The following AGT variants were observed in gnomAD, a reference collection of about 807,000 sequenced individuals.
AGT encodes angiotensinogen.
Under a neutral mutation model 28.1 loss-of-function variants are expected in AGT, and 26 were observed. The observed-to-expected ratio is 0.92, with a 90% CI of 0.68 to 1.28. AGT has a LOEUF of 1.28. Among genes scored for constraint, AGT ranks in the 50% most tolerant of loss-of-function variants. The pLI is 0.00. For synonymous variants in AGT, 259 were observed against 259.6 expected (o/e 1.00, Z 0.02); for missense variants, 596 against 592.3 (o/e 1.01, Z -0.06).
At chr1:230,720,698 A>G (rs1011923680) in intron 1 of AGT, among the ~76,000 whole-genome samples, 1 of 152,162 alleles carries the variant, frequency 6.6e-6, no homozygotes, top group African/African-American at 2.4e-5. Flanking sequence ...CTACACTGTC[A>G]TGCCCACCTT....
At chr1:230,706,616 G>T (rs186962286) in intron 2 of AGT, among the ~76,000 whole-genome samples, 7 of 152,108 alleles carry the variant, frequency 4.6e-5, no homozygotes, top group East Asian at 3.8e-4. Context: ...AGTGACTTTA[G>T]GTTCACAGCA....
intron 1 of AGT, among the ~76,000 whole-genome samples, chr1:230,737,658 C>T (rs906035844): frequency 6.6e-6 from 1 of 152,130 alleles, no homozygotes; most frequent in Non-Finnish European, 1.5e-5. Flanking sequence ...CCTTTTAGTA[C>T]TACAACTTTA....
intron 1 of AGT, among the ~76,000 whole-genome samples, chr1:230,711,883 C>A (rs149923554): frequency 1.3e-3 from 200 of 152,094 alleles, no homozygotes; most frequent in African/African-American, 4.5e-3. Context: ...TTTAGAACCC[C>A]TGCCCTAGAC....
chr1:230,726,915 TAAG>T (rs1663953988), intron 1 of AGT, among the ~76,000 whole-genome samples: 1 of 152,194 alleles, frequency 6.6e-6, no homozygotes, highest in African/African-American at 2.4e-5. Context: ...CAATGCTTCC[TAAG>T]AAGACGTCTG....
At chr1:230,730,153 T>G (rs1054743212) in intron 1 of AGT, among the ~76,000 whole-genome samples, 2 of 151,922 alleles carry the variant, frequency 1.3e-5, no homozygotes, top group African/African-American at 4.8e-5. Flanking sequence ...ACTCCTGACC[T>G]CAGGTGATCC....
rs1179517895 is a variant in AGT at position 230,702,945 on chromosome 1, T to A, written c.*196A>T. ...CATTTGTGCCGCTGCAGGCTTCTAC[T>A]GCTCACTCCATGCAGCACACTTAGA... On this transcript the variant is annotated 3_prime_UTR_variant, in exon 5 of 5. Coordinates refer to ENST00000366667, the MANE Select transcript of AGT (RefSeq NM_001384479.1). The A allele has an allele frequency of 1.6e-6, 1 of 625,522 alleles. No homozygotes were observed. Among genetic ancestry groups the A allele is most frequent in the African/African-American group, 1.8e-5 (1 of 54,362 alleles). 38.7% of individuals were successfully genotyped at this position (625,522 alleles called of 1,614,324 possible).
chr1:230,712,312 C>T (rs1663616732), intron 1 of AGT, among the ~76,000 whole-genome samples: 1 of 152,286 alleles, frequency 6.6e-6, no homozygotes, highest in South Asian at 2.1e-4. Flanking sequence ...CCAGCACCTG[C>T]CCTCAACACG....
At chr1:230,707,235 C>A (rs1378659871) in intron 2 of AGT, among the ~76,000 whole-genome samples, 7 of 152,198 alleles carry the variant, frequency 4.6e-5, no homozygotes, top group African/African-American at 1.7e-4. Context: ...AGCAGCCCAC[C>A]CTCTGCCTCG....
chr1:230,743,802 C>T (rs1664292084), intron 1 of AGT, among the ~76,000 whole-genome samples: 1 of 152,246 alleles, frequency 6.6e-6, no homozygotes, highest in Admixed American at 6.5e-5. Context: ...CATGGCATCC[C>T]AGAGCCACCC....
Position 230,702,968 on chromosome 1 carries a change from A to G in AGT, c.*173T>C. 2.8e-6 allele frequency: 2 copies of G among 703,466 alleles called. No homozygotes were observed. Among genetic ancestry groups the G allele is most frequent in the East Asian group, 5.4e-5 (2 of 36,720 alleles). 43.6% of individuals were successfully genotyped at this position (703,466 alleles called of 1,614,324 possible). ...ACTGCTCACTCCATGCAGCACACTT[A>G]GACCAAGGAGAAACGGCTGCTTTCC... On this transcript the variant is annotated 3_prime_UTR_variant, in exon 5 of 5. Coordinates refer to ENST00000366667, the MANE Select transcript of AGT (RefSeq NM_001384479.1).
intron 1 of AGT, among the ~76,000 whole-genome samples, chr1:230,722,922 CA>C (rs1463460536): frequency 1.3e-5 from 2 of 152,112 alleles, no homozygotes; most frequent in Admixed American, 6.6e-5. Context: ...TCTGAAAAGG[CA>C]TGAGATTTGG....
chr1:230,710,309 A>G lies in AGT; in HGVS notation c.515T>C (p.Leu172Pro). The G allele has an allele frequency of 1.2e-6, 2 of 1,614,010 alleles. No individual in the cohort carries two copies. The highest frequency in any genetic ancestry group is 1.7e-6 in the Non-Finnish European group (2 of 1,180,014). Residue 172 changes from leucine to proline, a missense_variant, in exon 2 of 5, where the codon CTG becomes CCG. Leu to Pro is a moderately conservative substitution (Grantham distance 98). Transcript: ENST00000366667. ...GCCCTGTACAGCCTGCAGGGCAGAC[A>G]GGACCTTGTGCGCATCCAGCCGGGA... ...CTSRLDAHKV[L>P]SALQAVQGLL...
upstream of AGT, among the ~76,000 whole-genome samples, chr1:230,716,458 T>A (rs1663739167): frequency 6.6e-6 from 1 of 152,254 alleles, no homozygotes; most frequent in African/African-American, 2.4e-5. Flanking sequence ...ATAAGCCATC[T>A]GATATGGTTT....
chr1:230,709,921 C>T (rs1663522129), intron 2 of AGT, 74 bp downstream of exon 2: 2 of 1,604,004 alleles, frequency 1.2e-6, no homozygotes, highest in African/African-American at 2.7e-5. Flanking sequence ...ATCTCCAAGG[C>T]CTGACTGGCT....
intron 1 of AGT, among the ~76,000 whole-genome samples, chr1:230,723,317 T>G (rs1183497414): frequency 1.3e-5 from 2 of 152,226 alleles, no homozygotes; most frequent in Non-Finnish European, 2.9e-5. Flanking sequence ...TAGAGCAGTG[T>G]GAAAATGGAC....
chr1:230,725,425 T>C (rs1257755117), intron 1 of AGT, among the ~76,000 whole-genome samples: 3 of 152,340 alleles, frequency 2.0e-5, no homozygotes, highest in East Asian at 3.9e-4. Flanking sequence ...CAGACTTATT[T>C]GCCCTTATAC....
In AGT at chr1:230,704,369, C is replaced by T. The variant is rs755936117; in HGVS notation, c.1098-32G>A. 6.2e-6 allele frequency: 10 copies of T among 1,612,092 alleles called. No individual in the cohort carries two copies. The African/African-American group carries it at 1.3e-4, about 22-fold the overall frequency. On this transcript the variant is annotated intron_variant, in intron 3 of 4. Transcript: ENST00000366667. ...AGATGATGCACAGTTAGGAAGGCTC[C>T]AGGCCACACAGTGAGGGCTCTCCCA...
intron 1 of AGT, among the ~76,000 whole-genome samples, chr1:230,726,319 C>T (rs1663941489): frequency 6.6e-6 from 1 of 152,082 alleles, no homozygotes; most frequent in Non-Finnish European, 1.5e-5. Flanking sequence ...AGACAGATCT[C>T]AGTTAGTTAG....
chr1:230,713,506 T>C (rs1415047981), intron 1 of AGT, among the ~76,000 whole-genome samples: 1 of 152,208 alleles, frequency 6.6e-6, no homozygotes, highest in African/African-American at 2.4e-5. Context: ...GAAAGCACTT[T>C]CATGTTATAT....
Sources: gnomAD v4.1 joint callset for allele counts (sites outside exome capture counted in the v4.1 genomes callset) on GRCh38, gnomAD v4.1.1 for gene constraint, MANE v1.5 for transcripts, NCBI Gene and HGNC (gene_info 2026-07-23, HGNC 2026-07-21) for gene names.